Variants in MAF observed in about 807,000 individuals in gnomAD.
MAF encodes the protein MAF bZIP transcription factor.
MAF carries 10 observed loss-of-function variants against 22.0 expected under a neutral mutation model. The ratio of observed to expected loss-of-function variants is 0.45; its 90% CI spans 0.28 to 0.77. The LOEUF is 0.77. Among genes scored for constraint, MAF ranks in the 30% least tolerant of loss-of-function variants. The probability of loss-of-function intolerance (pLI) is 0.12; values close to 1 mark genes in which losing one functional copy is unlikely to be tolerated. For missense variants in MAF, 544 were observed against 548.4 expected, an observed-to-expected ratio of 0.99 and a Z score of 0.08; for synonymous variants, 337 against 255.8, an observed-to-expected ratio of 1.32 and a Z score of -3.03.
At chr16:79,527,144 T>C in the MAF span, among the ~76,000 whole-genome samples, 1 of 152,192 alleles carries the variant, frequency 6.6e-6, no homozygotes, top group Non-Finnish European at 1.5e-5. Flanking sequence ...TGAACTTGCC[T>C]ATTTCCAGGG....
chr16:79,211,722 G>T, the MAF span: 1 of 1,614,222 alleles, frequency 6.2e-7, no homozygotes, highest in South Asian at 1.1e-5. Flanking sequence ...AGCTCAGAGC[G>T]AAGAGACGGC....
At chr16:79,228,559 C>G in the MAF span, among the ~76,000 whole-genome samples, 1 of 152,076 alleles carries the variant, frequency 6.6e-6, no homozygotes, top group Non-Finnish European at 1.5e-5. Flanking sequence ...TCTTCCTGAT[C>G]CCTGAGCCCC....
chr16:79,468,602 T>G, the MAF span, among the ~76,000 whole-genome samples: 5 of 152,166 alleles, frequency 3.3e-5, no homozygotes, highest in African/African-American at 1.2e-4. Context: ...GGCCTTAACC[T>G]GCTCAGCCCC....
the MAF span, among the ~76,000 whole-genome samples, chr16:79,492,591 G>C: frequency 6.6e-6 from 1 of 151,988 alleles, no homozygotes; most frequent in Non-Finnish European, 1.5e-5. Flanking sequence ...CTTTATAGCA[G>C]CACCTTACCA....
the MAF span, among the ~76,000 whole-genome samples, chr16:79,479,969 G>C: frequency 1.3e-5 from 2 of 152,162 alleles, no homozygotes; most frequent in Admixed American, 1.3e-4. Context: ...CAGCTGATTA[G>C]GAAATAAGCT....
chr16:79,514,248 C>T, the MAF span, among the ~76,000 whole-genome samples: 5 of 152,192 alleles, frequency 3.3e-5, no homozygotes, highest in African/African-American at 9.7e-5. Flanking sequence ...GGACCTTGAA[C>T]GCGCAGCTTG....
chr16:79,553,153 C>T, the MAF span, among the ~76,000 whole-genome samples: 1 of 152,244 alleles, frequency 6.6e-6, no homozygotes, highest in Non-Finnish European at 1.5e-5. Context: ...ACAGCAGGTG[C>T]ACAAAAAATG....
At chr16:79,455,704 A>G in the MAF span, among the ~76,000 whole-genome samples, 1 of 152,224 alleles carries the variant, frequency 6.6e-6, no homozygotes, top group Non-Finnish European at 1.5e-5. Flanking sequence ...AGCCCTGAAA[A>G]TGTTGTATTT....
intron 1 of MAF, chr16:79,597,131 G>C: frequency 4.7e-6 from 5 of 1,057,658 alleles, no homozygotes; most frequent in Non-Finnish European, 5.7e-6. Context: ...TTTTTAAACA[G>C]TCCCCTTGCA....
chr16:79,330,876 C>A, the MAF span, among the ~76,000 whole-genome samples: 1 of 152,206 alleles, frequency 6.6e-6, no homozygotes, highest in East Asian at 1.9e-4. Flanking sequence ...CCTGGCCAGG[C>A]CTGCCTGACT....
chr16:79,287,602 T>A, the MAF span, among the ~76,000 whole-genome samples: 1 of 152,216 alleles, frequency 6.6e-6, no homozygotes, highest in Non-Finnish European at 1.5e-5. Context: ...ATTTTTTGGT[T>A]TGCCTGGATC....
At chr16:79,598,101 A>T (rs1160635472) in intron 1 of MAF, 4 of 1,036,340 alleles carry the variant, frequency 3.9e-6, no homozygotes, top group Non-Finnish European at 3.5e-6. Context: ...AACATTTCAC[A>T]TTTTTTTTTC....
chr16:79,547,374 G>A, the MAF span, among the ~76,000 whole-genome samples: 2 of 151,366 alleles, frequency 1.3e-5, no homozygotes, highest in East Asian at 1.9e-4. Flanking sequence ...TACATCCCCC[G>A]AACCTGTACA....
At chr16:79,583,956 G>A (rs909568262), downstream of MAF, among the ~76,000 whole-genome samples, 6 of 152,166 alleles carry the variant, frequency 3.9e-5, no homozygotes, top group Admixed American at 6.5e-5. Flanking sequence ...GTTGATGTGC[G>A]TATGTTAAGC....
At chr16:79,574,391 C>A in the MAF span, among the ~76,000 whole-genome samples, 1 of 152,120 alleles carries the variant, frequency 6.6e-6, no homozygotes, top group Non-Finnish European at 1.5e-5. Flanking sequence ...TTTGGGAATA[C>A]CTCCATCCTT....
chr16:79,328,399 G>A, the MAF span, among the ~76,000 whole-genome samples: 1 of 152,156 alleles, frequency 6.6e-6, no homozygotes, highest in Non-Finnish European at 1.5e-5. Flanking sequence ...GTGCTGGAGA[G>A]GGAAACAGGG....
chr16:79,245,373 G>C, the MAF span, among the ~76,000 whole-genome samples: 1 of 150,598 alleles, frequency 6.6e-6, no homozygotes, highest in Non-Finnish European at 1.5e-5. Context: ...ACAAGAAAAA[G>C]TAACCCCATC....
chr16:79,346,430 C>T, the MAF span, among the ~76,000 whole-genome samples: 1 of 151,936 alleles, frequency 6.6e-6, no homozygotes, highest in Non-Finnish European at 1.5e-5. Context: ...ACAATGAATA[C>T]TGCTAAAAAA....
chr16:79,341,204 A>G, the MAF span, among the ~76,000 whole-genome samples: 1 of 152,224 alleles, frequency 6.6e-6, no homozygotes, highest in African/African-American at 2.4e-5. Context: ...TTTTATTTTA[A>G]GCACAAGAAG....
Sources: gnomAD v4.1 joint callset for allele counts (sites outside exome capture counted in the v4.1 genomes callset) on GRCh38, gnomAD v4.1.1 for gene constraint, MANE v1.5 for transcripts, NCBI Gene and HGNC (gene_info 2026-07-23, HGNC 2026-07-21) for gene names.